MATCAP1: variants seen among roughly 807,000 people sequenced by gnomAD.
The protein encoded by MATCAP1 is microtubule associated tyrosine carboxypeptidase 1.
At chr16:67,180,169 T>A in the MATCAP1 span, 7 of 1,614,246 alleles carry the variant, frequency 4.3e-6, no homozygotes, top group South Asian at 4.4e-5. Context: ...TCACGGTCCA[T>A]GTTGGTTGGC....
chr16:67,179,614 A>G, the MATCAP1 span: 3 of 1,554,756 alleles, frequency 1.9e-6, no homozygotes, highest in African/African-American at 4.1e-5. This position sits in a 1 kb window ranked among gnomAD's most constrained non-coding sequence, Gnocchi z 5.2. Context: ...GCCAGGGTGC[A>G]GGTGGACCCA....
chr16:67,178,744 T>TCCCCCCCCCCCCCCCCCC, the MATCAP1 span: 1 of 633,044 alleles, frequency 1.6e-6, no homozygotes, highest in Non-Finnish European at 2.8e-6. Flanking sequence ...CTCCCACCCA[T>TCCCCCCCCCCCCCCCCCC]CCGCCCCCCA....
At chr16:67,183,627 AG>A in the MATCAP1 span, 1 of 152,564 alleles carries the variant, frequency 6.6e-6, no homozygotes, top group African/African-American at 2.4e-5. Context: ...GACAAATGAG[AG>A]GGTGTGGCCT....
chr16:67,180,365 G>A, the MATCAP1 span: 2 of 1,612,650 alleles, frequency 1.2e-6, no homozygotes, highest in Middle Eastern at 2.0e-4. Context: ...CAGAGTAGGT[G>A]CTCTCACTGC....
chr16:67,183,173 T>TAA, the MATCAP1 span: 5 of 152,206 alleles, frequency 3.3e-5, no homozygotes, highest in Non-Finnish European at 7.3e-5. Context: ...TCCCTTTAAC[T>TAA]AACTGTACAG....
chr16:67,180,476 C>G, the MATCAP1 span: 1 of 1,603,748 alleles, frequency 6.2e-7, no homozygotes, highest in Non-Finnish European at 8.5e-7. Flanking sequence ...GGGGCAAGGC[C>G]AGGGACTGAG....
chr16:67,177,335 C>T, the MATCAP1 span, among the ~76,000 whole-genome samples: 1 of 152,226 alleles, frequency 6.6e-6, no homozygotes, highest in Non-Finnish European at 1.5e-5. Context: ...CTTATGCCAG[C>T]TCCACCCTCT....
At chr16:67,183,958 A>T in the MATCAP1 span, 12 of 195,574 alleles carry the variant, frequency 6.1e-5, 1 homozygote, top group East Asian at 3.5e-4. Flanking sequence ...GTCGCCGATG[A>T]CGTACGTCCT....
At chr16:67,183,871 C>A in the MATCAP1 span, 1 of 178,736 alleles carries the variant, frequency 5.6e-6, no homozygotes, top group South Asian at 1.0e-4. Flanking sequence ...CGTGCCCCCA[C>A]CTGTTAGCTC....
Sources: gnomAD v4.1 joint callset for allele counts (sites outside exome capture counted in the v4.1 genomes callset) on GRCh38, gnomAD v4.1.1 for gene constraint, Gnocchi (gnomAD v3.1) non-coding constraint, MANE v1.5 for transcripts, NCBI Gene and HGNC (gene_info 2026-07-23, HGNC 2026-07-21) for gene names.